DYM: variants seen among roughly 807,000 people sequenced by gnomAD.
DYM encodes dyggve-Melchior-Clausen syndrome protein.
Under a neutral mutation model 93.1 loss-of-function variants are expected in DYM, and 78 were observed. The ratio of observed to expected loss-of-function variants is 0.84; its 90% CI spans 0.70 to 1.01. DYM has a LOEUF of 1.01. Among genes scored for constraint, DYM ranks in the 50% least tolerant of loss-of-function variants. The pLI is 0.00. For missense variants in DYM, 789 were observed against 845.0 expected, an observed-to-expected ratio of 0.93 and a Z score of 0.82; for synonymous variants, 321 against 319.7, an observed-to-expected ratio of 1.00 and a Z score of -0.04.
At chr18:49,321,431 T>A (rs2062473873) in intron 8 of DYM, 2 of 397,828 alleles carry the variant, frequency 5.0e-6, no homozygotes, top group Admixed American at 8.8e-5. Flanking sequence ...CCAAAGCCAA[T>A]CCTGGGAACT....
At chr18:49,195,207 G>C (rs2091331287) in intron 14 of DYM, among the ~76,000 whole-genome samples, 3 of 152,018 alleles carry the variant, frequency 2.0e-5, no homozygotes, top group Admixed American at 2.0e-4. Context: ...GTAATTGTTA[G>C]TTCAGTTCAC....
At chr18:49,324,457 TTAGGAAGCA>T (rs1444403901) in intron 8 of DYM, among the ~76,000 whole-genome samples, 1 of 152,228 alleles carries the variant, frequency 6.6e-6, no homozygotes, top group Admixed American at 6.5e-5. Context: ...GCAAGTTCAC[TTAGGAAGCA>T]AGGAGAAATC....
intron 6 of DYM, among the ~76,000 whole-genome samples, chr18:49,336,106 G>A (rs2063651954): frequency 6.6e-6 from 1 of 152,192 alleles, no homozygotes. Context: ...GAGCCATCGT[G>A]CCAGACTGCA....
intron 2 of DYM, among the ~76,000 whole-genome samples, chr18:49,426,894 T>C (rs2074352071): frequency 6.6e-6 from 1 of 151,812 alleles, no homozygotes; most frequent in Admixed American, 6.6e-5. Context: ...TCCTGAAAAT[T>C]GGTAAAGAAA....
chr18:49,327,036 T>TGG (rs2062937636), intron 8 of DYM, among the ~76,000 whole-genome samples: 1 of 61,164 alleles, frequency 1.6e-5, no homozygotes, highest in African/African-American at 6.6e-5. Flanking sequence ...TGTGTGTGTG[T>TGG]GGTGGGGGGA....
At chr18:49,105,645 C>G (rs1350670050) in intron 16 of DYM, among the ~76,000 whole-genome samples, 1 of 152,190 alleles carries the variant, frequency 6.6e-6, no homozygotes, top group Non-Finnish European at 1.5e-5. Flanking sequence ...ATCTTTATTT[C>G]TGCCTTCATT....
chr18:49,358,808 CAACT>C (rs1201578887), intron 6 of DYM, among the ~76,000 whole-genome samples: 1 of 151,968 alleles, frequency 6.6e-6, no homozygotes, highest in African/African-American at 2.4e-5. Flanking sequence ...TCCTCATGTA[CAACT>C]AACAGCCACA....
At chr18:49,429,349 A>T (rs535204714) in intron 2 of DYM, among the ~76,000 whole-genome samples, 3 of 152,346 alleles carry the variant, frequency 2.0e-5, no homozygotes, top group South Asian at 4.1e-4. Flanking sequence ...AGACAAGGAC[A>T]TGGACATCTT....
At chr18:49,317,596 T>TCTCTCTCTCTC (rs1381346703) in intron 8 of DYM, among the ~76,000 whole-genome samples, 2 of 31,148 alleles carry the variant, frequency 6.4e-5, no homozygotes, top group Non-Finnish European at 1.1e-4. Context: ...TCTCTCTCTC[T>TCTCTCTCTCTC]CCCCCCTCCC....
chr18:49,378,593 T>C lies in DYM; in HGVS notation c.395A>G (p.Tyr132Cys), dbSNP rs764862071. Residue 132 changes from tyrosine (Y) to cysteine (C), a missense_variant, in exon 5 of 18, where the codon TAT (tyrosine) becomes TGT (cysteine). Physicochemically the swap from Tyr to Cys is radical, Grantham distance 194 (BLOSUM62 -2). This residue lies in a region of DYM where 450 missense variants were observed against 436.2 expected (regional missense o/e 1.03). Coordinates refer to ENST00000675505, the MANE Select transcript of DYM (RefSeq NM_001353214.3). ...SEEELQLHFT[Y>C]EEKSPGNYSS... ...GTAATTGCCAGGAGATTTTTCTTCA[T>C]AAGTAAAATGAAGTTGTAATTCCTC... The C allele has an allele frequency of 1.2e-6, 2 of 1,612,038 alleles. No individual in the cohort carries two copies. The highest frequency in any genetic ancestry group is 1.7e-6 in the Non-Finnish European group (2 of 1,178,370).
intron 1 of DYM, among the ~76,000 whole-genome samples, chr18:49,437,837 C>T (rs531145456): frequency 6.6e-6 from 1 of 152,270 alleles, no homozygotes; most frequent in East Asian, 1.9e-4. Flanking sequence ...CTGCTCATAT[C>T]CTATGACTGT....
intron 13 of DYM, among the ~76,000 whole-genome samples, chr18:49,249,893 C>A (rs1420325193): frequency 6.6e-6 from 1 of 152,206 alleles, no homozygotes; most frequent in Admixed American, 6.5e-5. Flanking sequence ...TAAATTTTAT[C>A]AGAAATAACT....
At chr18:49,073,619 C>T (rs1021638073) in intron 17 of DYM, among the ~76,000 whole-genome samples, 5 of 152,154 alleles carry the variant, frequency 3.3e-5, no homozygotes, top group Non-Finnish European at 5.9e-5. Context: ...GTAAGGAAGC[C>T]TGGAGTTGAT....
intron 17 of DYM, among the ~76,000 whole-genome samples, chr18:49,078,918 T>G (rs2077543484): frequency 1.3e-5 from 2 of 152,230 alleles, no homozygotes; most frequent in African/African-American, 4.8e-5. Context: ...CTCTCTGACT[T>G]CTAATGAGAA....
At chr18:49,271,391 T>C (rs75335809) in intron 11 of DYM, among the ~76,000 whole-genome samples, 12,213 of 152,146 alleles carry the variant, frequency 0.08, 779 homozygotes, top group East Asian at 0.31. Context: ...AAAAAGTCTG[T>C]GTGCCGACAA....
intron 1 of DYM, among the ~76,000 whole-genome samples, chr18:49,439,772 G>C (rs2081169760): frequency 6.6e-6 from 1 of 152,096 alleles, no homozygotes. Context: ...GGGAGGCTAA[G>C]GTACAAGGAT....
intron 1 of DYM, among the ~76,000 whole-genome samples, chr18:49,433,055 A>G (rs2080483095): frequency 3.3e-5 from 5 of 152,200 alleles, no homozygotes. Context: ...ATGAGGGAAC[A>G]AGCCAAGAAA....
intron 8 of DYM, among the ~76,000 whole-genome samples, chr18:49,300,513 C>G (rs1257684601): frequency 1.3e-5 from 2 of 151,764 alleles, no homozygotes. Flanking sequence ...CACAGGAGAA[C>G]TGCTTGAACC....
chr18:49,441,469 C>T (rs536826838), intron 1 of DYM, among the ~76,000 whole-genome samples: 3 of 144,134 alleles, frequency 2.1e-5, no homozygotes, highest in East Asian at 4.0e-4. Context: ...GGGCAATAAT[C>T]ACCAGCCAAA....
Sources: allele counts gnomAD v4.1 joint callset (sites outside exome capture counted in the v4.1 genomes callset), GRCh38; gene constraint gnomAD v4.1.1; regional missense constraint gnomAD v4.1.1; transcripts MANE v1.5; gene names NCBI Gene and HGNC (gene_info 2026-07-23, HGNC 2026-07-21).